FAM171A1: variants seen among roughly 807,000 people sequenced by gnomAD.
The protein encoded by FAM171A1 is family with sequence similarity 171 member A1, also known as protein FAM171A1.
In FAM171A1, 23 loss-of-function variants were observed where a neutral mutation model predicts 74.9. The observed-to-expected ratio is 0.31, with a 90% confidence interval of 0.22 to 0.44. The LOEUF is 0.44. Ranked by LOEUF, FAM171A1 falls within the 20% of genes least tolerant of loss-of-function variation. FAM171A1 has a pLI of 1.00. For missense variants in FAM171A1, 1,162 were observed against 1,159.2 expected, an observed-to-expected ratio of 1.00 and a Z score of -0.03; for synonymous variants, 527 against 505.7, an observed-to-expected ratio of 1.04 and a Z score of -0.57.
chr10:15,364,493 G>C (rs1836034962), intron 1 of FAM171A1, among the ~76,000 whole-genome samples: 1 of 152,126 alleles, frequency 6.6e-6, no homozygotes, highest in Non-Finnish European at 1.5e-5. Context: ...CCAAAAAGCA[G>C]TCCATGCTGC....
chr10:15,315,521 A>G (rs1835412356), intron 1 of FAM171A1, among the ~76,000 whole-genome samples: 1 of 152,190 alleles, frequency 6.6e-6, no homozygotes, highest in African/African-American at 2.4e-5. Context: ...CGTGCCTGTG[A>G]CAGCACCCTG....
chr10:15,219,492 G>C (rs1834009009), intron 6 of FAM171A1, among the ~76,000 whole-genome samples: 1 of 152,134 alleles, frequency 6.6e-6, no homozygotes, highest in Non-Finnish European at 1.5e-5. Context: ...TCATAATCTA[G>C]GTATTTCAGA....
chr10:15,350,745 C>T (rs117015181), intron 1 of FAM171A1, among the ~76,000 whole-genome samples: 2 of 151,600 alleles, frequency 1.3e-5, no homozygotes, highest in African/African-American at 2.4e-5. Context: ...TTCGAGCGAT[C>T]GATACTCCTG....
At chr10:15,249,133 G>A (rs1171981369) in intron 4 of FAM171A1, among the ~76,000 whole-genome samples, 5 of 130,870 alleles carry the variant, frequency 3.8e-5, no homozygotes, top group South Asian at 2.3e-4. Context: ...GTCTCATTCC[G>A]TTGCCCAGGC....
intron 1 of FAM171A1, among the ~76,000 whole-genome samples, chr10:15,328,078 C>CAA (rs764116664): frequency 3.8e-4 from 52 of 136,548 alleles, no homozygotes; most frequent in Middle Eastern, 3.8e-3. Flanking sequence ...TTGCAGCCTT[C>CAA]AAAAAAACCC....
Position 15,283,988 on chromosome 10 carries a change from C to T in FAM171A1, c.215G>A (p.Gly72Asp). 6.2e-7 allele frequency: 1 copy of T among 1,614,204 alleles called. No individual in the cohort carries two copies. The highest frequency in any genetic ancestry group is 8.5e-7 in the Non-Finnish European group (1 of 1,180,036). The change falls in exon 2 of 8, where the codon GGC becomes GAC. Residue 72 changes from glycine (G) to aspartate (D), a missense_variant. Gly to Asp is a moderately conservative substitution (Grantham distance 94). Coordinates refer to ENST00000378116, the MANE Select transcript of FAM171A1 (RefSeq NM_001010924.2). Reference sequence around the variant, plus strand: ...ATACTGGAACTTGATAAAGGCGACGCCATCAGTCCCCGAGGTGCCAGAGGC... The same window carrying T: ...ATACTGGAACTTGATAAAGGCGACGTCATCAGTCCCCGAGGTGCCAGAGGC... ...SIASGTSGTDGVAFIKFQYKL... is the reference protein window; with the variant it reads ...SIASGTSGTDDVAFIKFQYKL...
intron 2 of FAM171A1, among the ~76,000 whole-genome samples, chr10:15,283,035 A>T (rs10508484): frequency 0.25 from 38,573 of 152,126 alleles, 5,187 homozygotes; most frequent in Admixed American, 0.39. Flanking sequence ...AACTAAATAT[A>T]CCCTAAACTT....
chr10:15,254,631 T>C (rs1834552586), intron 4 of FAM171A1, 90 bp downstream of exon 4: 5 of 1,415,848 alleles, frequency 3.5e-6, no homozygotes, highest in East Asian at 2.3e-5. Flanking sequence ...TTCTCCCACA[T>C]AGTGCTAAAA....
intron 1 of FAM171A1, among the ~76,000 whole-genome samples, chr10:15,341,174 T>C (rs1179308460): frequency 6.6e-6 from 1 of 152,206 alleles, no homozygotes; most frequent in Non-Finnish European, 1.5e-5. Flanking sequence ...TAGAAACCTG[T>C]ATAGGAGACA....
chr10:15,291,572 G>A (rs561070351), intron 1 of FAM171A1, among the ~76,000 whole-genome samples: 2 of 152,236 alleles, frequency 1.3e-5, no homozygotes, highest in South Asian at 2.1e-4. Context: ...TATCCAAATG[G>A]CTCAATGAAC....
chr10:15,367,146 T>C (rs12246289), intron 1 of FAM171A1, among the ~76,000 whole-genome samples: 3,814 of 152,090 alleles, frequency 0.025, 159 homozygotes, highest in African/African-American at 0.087. Flanking sequence ...TTGCAGTGAG[T>C]TGAGATCACG....
At chr10:15,271,225 C>G (rs1305387048) in intron 3 of FAM171A1, among the ~76,000 whole-genome samples, 6 of 152,128 alleles carry the variant, frequency 3.9e-5, no homozygotes, top group African/African-American at 1.4e-4. Context: ...GGCACAAGAA[C>G]TACGTGACAC....
chr10:15,240,423 G>A (rs540935001), intron 5 of FAM171A1, among the ~76,000 whole-genome samples: 9 of 152,278 alleles, frequency 5.9e-5, no homozygotes, highest in African/African-American at 2.2e-4. Flanking sequence ...AACTCATGCT[G>A]TTGTAACATG....
chr10:15,242,510 G>A (rs1349162984), intron 5 of FAM171A1, among the ~76,000 whole-genome samples: 1 of 152,194 alleles, frequency 6.6e-6, no homozygotes, highest in Non-Finnish European at 1.5e-5. Context: ...ATTTCGGCCG[G>A]GCGCGTTGGC....
intron 1 of FAM171A1, among the ~76,000 whole-genome samples, chr10:15,356,371 C>A (rs990429205): frequency 2.6e-5 from 4 of 151,898 alleles, no homozygotes; most frequent in Admixed American, 1.3e-4. Flanking sequence ...TAGAAAGATA[C>A]AACCAATTTG....
chr10:15,252,364 C>A (rs1834520681), intron 4 of FAM171A1, among the ~76,000 whole-genome samples: 1 of 152,204 alleles, frequency 6.6e-6, no homozygotes, highest in Non-Finnish European at 1.5e-5. Context: ...CTGTTTCCAT[C>A]CACCTTCACT....
chr10:15,244,801 A>G (rs2131751998), intron 5 of FAM171A1, among the ~76,000 whole-genome samples: 1 of 152,238 alleles, frequency 6.6e-6, no homozygotes, highest in Middle Eastern at 3.4e-3. Context: ...TGGCACCCGC[A>G]TACCGTGCCG....
At chr10:15,324,098 A>C (rs1799280350) in intron 1 of FAM171A1, among the ~76,000 whole-genome samples, 1 of 152,184 alleles carries the variant, frequency 6.6e-6, no homozygotes, top group Non-Finnish European at 1.5e-5. Context: ...GGCTCTTAGC[A>C]AGATAAATCT....
At chr10:15,335,783 TC>T in intron 1 of FAM171A1, among the ~76,000 whole-genome samples, 1 of 152,320 alleles carries the variant, frequency 6.6e-6, no homozygotes, top group African/African-American at 2.4e-5. Context: ...TATCTTTGTT[TC>T]CATGAAAATG....
Sources: allele counts gnomAD v4.1 joint callset (sites outside exome capture counted in the v4.1 genomes callset), GRCh38; gene constraint gnomAD v4.1.1; transcripts MANE v1.5; gene names NCBI Gene and HGNC (gene_info 2026-07-23, HGNC 2026-07-21).